Variants in ARHGAP20 observed in about 807,000 individuals in gnomAD.
ARHGAP20 encodes Rho GTPase activating protein 20.
Under a neutral mutation model 73.7 loss-of-function variants are expected in ARHGAP20, and 34 were observed. The observed-to-expected ratio is 0.46, with a 90% CI of 0.35 to 0.61. ARHGAP20 has a LOEUF of 0.61. ARHGAP20 is among the 20% of genes least tolerant of loss of function. ARHGAP20 has a pLI of 0.00. For missense variants in ARHGAP20, 1,314 were observed against 1,420.9 expected (o/e 0.92, Z 1.21); for synonymous variants, 523 against 518.2 (o/e 1.01, Z -0.13).
At position 110,624,322 on chromosome 11, in the gene ARHGAP20, A is replaced by G; in HGVS notation, c.354-11T>C. ...AAGTTATTGTTATATCTAGAAAGAT[A>G]AAAACCAAACAGAACCTTTTGTTAT... is the stretch of plus-strand genomic sequence containing the variant. On this transcript the variant is annotated splice_polypyrimidine_tract_variant and intron_variant, in intron 3 of 14. Transcript: ENST00000683387. 1 of 1,529,926 alleles carries G rather than the reference A, an allele frequency of 6.5e-7. No individual in the cohort carries two copies. The highest frequency in any genetic ancestry group is 1.4e-5 in the African/African-American group (1 of 70,440). The allele number at this position is 1,529,926 out of a possible 1,614,324, so 94.8% of individuals were successfully genotyped here.
In ARHGAP20 at chr11:110,606,585, G is replaced by C; in HGVS notation, c.940C>G (p.Leu314Val). The change falls in exon 9 of 15, where the codon CTG (leucine) becomes GTG (valine). Residue 314 changes from leucine (L) to valine (V), a missense_variant. Leu to Val is a conservative substitution (Grantham distance 32, BLOSUM62 1). Transcript: ENST00000683387. ...CCACTCAGTTGCTGGGCTGCAGCCA[G>C]GCGGCTGGGCTTCAGGATGAACTGG... ...QCQFILKPSR[L>V]AAAQQLSDSG... 1 of 1,611,044 alleles carries C rather than the reference G, an allele frequency of 6.2e-7. No homozygotes were observed. The highest frequency in any genetic ancestry group is 8.5e-7 in the Non-Finnish European group (1 of 1,179,006).
intron 2 of ARHGAP20, among the ~76,000 whole-genome samples, chr11:110,635,282 T>C (rs1167040796): frequency 6.6e-6 from 1 of 152,128 alleles, no homozygotes; most frequent in Admixed American, 6.6e-5. Flanking sequence ...ACAGGGAACA[T>C]GTTTTAAAAA....
intron 9 of ARHGAP20, among the ~76,000 whole-genome samples, chr11:110,592,700 A>G (rs1342526213): frequency 6.6e-6 from 1 of 152,170 alleles, no homozygotes; most frequent in East Asian, 1.9e-4. Flanking sequence ...GGAGGAGAAG[A>G]AAGAGGAGAG....
intron 1 of ARHGAP20, among the ~76,000 whole-genome samples, chr11:110,699,303 T>G (rs548466413): frequency 2.8e-4 from 42 of 152,042 alleles, no homozygotes; most frequent in African/African-American, 1.0e-3. Flanking sequence ...TGGAATTTAT[T>G]GGGACTTCTT....
chr11:110,634,602 G>T (rs1357064401), intron 2 of ARHGAP20, among the ~76,000 whole-genome samples: 1 of 152,140 alleles, frequency 6.6e-6, no homozygotes, highest in Non-Finnish European at 1.5e-5. Context: ...GCTAATCCAA[G>T]CCTTTTTGCT....
rs538418143 is a variant in ARHGAP20, at chr11:110,614,508, T to C, written c.630+53A>G. The stretch of plus-strand genomic sequence containing the variant: ...GCTCTCTCTCTTCTTATCCGTAGTG[T>C]TCTGTCTTATGCAGGGACTTGGAAT... On this transcript the variant is annotated intron_variant, in intron 6 of 14. Transcript: ENST00000683387. The C allele has an allele frequency of 8.0e-6, 12 of 1,495,326 alleles. 1 individual carries two copies. The Admixed American group carries it at 1.9e-4, about 23-fold the overall frequency. 92.6% of individuals were successfully genotyped at this position (1,495,326 alleles called of 1,614,324 possible).
chr11:110,670,538 A>G (rs964948781), intron 2 of ARHGAP20, among the ~76,000 whole-genome samples: 6 of 152,124 alleles, frequency 3.9e-5, no homozygotes, highest in Admixed American at 3.3e-4. Flanking sequence ...AATACTCACT[A>G]GTTCCATATC....
Position 110,577,830 on chromosome 11 carries a change from G to A in ARHGAP20, c.*1540C>T, listed in dbSNP as rs1207481347. On this transcript the variant is annotated 3_prime_UTR_variant, in exon 15 of 15. Transcript: ENST00000683387. ...TACTGAAATAACTTCTTCTATCTTA[G>A]AGAAAATATTTTTTCCCCTATAACT... 2.0e-6 allele frequency: 2 copies of A among 985,532 alleles called. No individual in the cohort carries two copies. Among genetic ancestry groups the A allele is most frequent in the African/African-American group, 1.7e-5 (1 of 57,200 alleles). 61.0% of individuals were successfully genotyped at this position (985,532 alleles called of 1,614,324 possible).
intron 1 of ARHGAP20, among the ~76,000 whole-genome samples, chr11:110,701,010 T>TC (rs1336176169): frequency 6.6e-6 from 1 of 151,166 alleles, no homozygotes; most frequent in Non-Finnish European, 1.5e-5. Context: ...TTGGGTTGGT[T>TC]CCAAGTCTTT....
chr11:110,703,434 A>ACAATACCTGCCC (rs1166141860), intron 1 of ARHGAP20, among the ~76,000 whole-genome samples: 33 of 151,864 alleles, frequency 2.2e-4, no homozygotes, highest in Non-Finnish European at 4.7e-4. Context: ...TAAAATGGAC[A>ACAATACCTGCCC]CAATACCTGC....
intron 2 of ARHGAP20, among the ~76,000 whole-genome samples, chr11:110,682,809 T>A (rs893444895): frequency 6.6e-6 from 1 of 152,178 alleles, no homozygotes; most frequent in Non-Finnish European, 1.5e-5. Flanking sequence ...TTTTGTGTTC[T>A]ATGATGTAAG....
At chr11:110,589,847 G>A (rs527380534) in intron 11 of ARHGAP20, among the ~76,000 whole-genome samples, 2 of 152,358 alleles carry the variant, frequency 1.3e-5, no homozygotes, top group East Asian at 3.9e-4. Context: ...TAGGCTGGGT[G>A]CGGTGGCTCA....
chr11:110,643,972 A>G (rs572677234), intron 2 of ARHGAP20, among the ~76,000 whole-genome samples: 12 of 152,198 alleles, frequency 7.9e-5, no homozygotes, highest in Admixed American at 3.9e-4. Context: ...TTAAGTTTTC[A>G]TAGTGAATTG....
In ARHGAP20 at chr11:110,582,401, C is replaced by A; in HGVS notation, c.1640G>T (p.Cys547Phe). 2 of 1,613,696 alleles carry A rather than the reference C, an allele frequency of 1.2e-6. No individual in the cohort carries two copies. The highest frequency in any genetic ancestry group is 1.7e-6 in the Non-Finnish European group (2 of 1,179,660). Residue 547 changes from cysteine to phenylalanine, a missense_variant, in exon 14 of 15, where the codon TGC (cysteine) becomes TTC (phenylalanine). Around this residue, in one of 3 missense-constraint regions of ARHGAP20, gnomAD observed 230 missense variants for 317.6 expected, o/e 0.72. Coordinates refer to ENST00000683387, the MANE Select transcript of ARHGAP20 (RefSeq NM_001384657.1). ...GATTTCTTCTCCAAATATCCTAAGG[C>A]AATTCTCAATCAGAAATTGTATAAG... ...SLLIQFLIEN[C>F]LRIFGEEITS...
rs1176935863 is a variant in ARHGAP20 at position 110,579,713 on chromosome 11, G to T, written c.3233C>A (p.Ser1078Tyr). 1 of 1,614,224 alleles carries T rather than the reference G, an allele frequency of 6.2e-7. No homozygotes were observed. Among genetic ancestry groups the T allele is most frequent in the Admixed American group, 1.7e-5 (1 of 60,034 alleles). ...KGPLEPPPHASGVPEANSLQE... is the reference protein window; with the variant it reads ...KGPLEPPPHAYGVPEANSLQE... ...CAGTGAGTTGGCTTCTGGAACACCAGAAGCATGTGGGGGTGGCTCTAAGGG... is the reference window on the plus strand; with the variant it reads ...CAGTGAGTTGGCTTCTGGAACACCATAAGCATGTGGGGGTGGCTCTAAGGG... The change falls in exon 15 of 15, where the codon TCT becomes TAT. Residue 1078 changes from serine (S) to tyrosine (Y), a missense_variant. By Grantham distance (144) the Ser-to-Tyr change is moderately radical. Transcript: ENST00000683387.
intron 2 of ARHGAP20, among the ~76,000 whole-genome samples, chr11:110,671,803 T>C (rs1435739556): frequency 6.6e-6 from 1 of 152,150 alleles, no homozygotes; most frequent in Non-Finnish European, 1.5e-5. Flanking sequence ...TGTAGACTGA[T>C]GGAAAAGAAT....
intron 1 of ARHGAP20, chr11:110,691,097 C>T (rs375099354): frequency 5.0e-6 from 5 of 1,001,784 alleles, no homozygotes; most frequent in African/African-American, 1.6e-5. Flanking sequence ...AGCACAGAGA[C>T]TAGATTTTTG....
chr11:110,654,905 T>C (rs1429744517), intron 2 of ARHGAP20, among the ~76,000 whole-genome samples: 2 of 152,160 alleles, frequency 1.3e-5, no homozygotes, highest in African/African-American at 2.4e-5. Flanking sequence ...GGGAGAAGAT[T>C]TGACAATAAA....
At chr11:110,691,970 T>C (rs1456150758) in intron 1 of ARHGAP20, among the ~76,000 whole-genome samples, 2 of 152,190 alleles carry the variant, frequency 1.3e-5, no homozygotes, top group Non-Finnish European at 2.9e-5. Context: ...GTTACTTATA[T>C]AAAAATTTTT....
Sources: gnomAD v4.1 joint callset for allele counts (sites outside exome capture counted in the v4.1 genomes callset) on GRCh38, gnomAD v4.1.1 for gene constraint, gnomAD v4.1.1 regional missense constraint, MANE v1.5 for transcripts, NCBI Gene and HGNC (gene_info 2026-07-23, HGNC 2026-07-21) for gene names.